The following MAP3K8 variants were observed in gnomAD, a reference collection of about 807,000 sequenced individuals.
The protein encoded by MAP3K8 is Ewing sarcoma transformant.
Under a neutral mutation model 45.8 loss-of-function variants are expected in MAP3K8, and 22 were observed. The observed-to-expected ratio is 0.48, with a 90% CI of 0.34 to 0.69. The LOEUF (loss-of-function observed/expected upper bound fraction) is 0.69, where lower values mean the gene tolerates loss of function less well. Ranked by LOEUF, MAP3K8 falls within the 30% of genes least tolerant of loss-of-function variation. MAP3K8 has a pLI of 0.01. For missense variants in MAP3K8, 419 were observed against 585.0 expected, an observed-to-expected ratio of 0.72 and a Z score of 2.93; for synonymous variants, 223 against 214.3, an observed-to-expected ratio of 1.04 and a Z score of -0.36.
At chr10:30,458,313 T>G (rs946261243) in intron 7 of MAP3K8, 77 bp downstream of exon 7, 20 of 1,037,036 alleles carry the variant, frequency 1.9e-5, no homozygotes, top group East Asian at 1.2e-4. Flanking sequence ...TGGGAGGGAC[T>G]GCTCTGCCTT....
intron 8 of MAP3K8, among the ~76,000 whole-genome samples, chr10:30,459,833 T>C (rs1205140665): frequency 6.6e-6 from 1 of 152,078 alleles, no homozygotes; most frequent in Non-Finnish European, 1.5e-5. Context: ...TTGGTTCTTC[T>C]TAACTCACTT....
At chr10:30,446,395 C>T (rs140658978) in intron 3 of MAP3K8, among the ~76,000 whole-genome samples, 1,651 of 152,044 alleles carry the variant, frequency 0.011, 26 homozygotes, top group African/African-American at 0.037. Context: ...TTTAGCCAGG[C>T]GTGGTGGTGC....
intron 6 of MAP3K8, among the ~76,000 whole-genome samples, chr10:30,457,103 A>G (rs1355388218): frequency 6.6e-6 from 1 of 151,748 alleles, no homozygotes; most frequent in Admixed American, 6.6e-5. Context: ...AAAAAGCCAA[A>G]GTGCTGAGAT....
At position 30,439,084 on chromosome 10, in the gene MAP3K8, T is replaced by A. The variant is rs1476435489; in HGVS notation, c.146T>A (p.Met49Lys). 13 of 1,614,130 alleles carry A rather than the reference T, an allele frequency of 8.1e-6. No homozygotes were observed. The East Asian group carries it at 2.0e-4, about 25-fold the overall frequency. Residue 49 changes from methionine to lysine, a missense_variant, in exon 3 of 9, where the codon ATG (methionine) becomes AAG (lysine). Physicochemically the swap from Met to Lys is moderately conservative, Grantham distance 95. This residue lies in a region of MAP3K8 where 102 missense variants were observed against 93.5 expected (regional missense o/e 1.09). Coordinates refer to ENST00000263056, the MANE Select transcript of MAP3K8 (RefSeq NM_005204.4). ...GTTTATGAACCCAGTCTAATGACCA[T>A]GTGTCAAGACAGTAATCAAAACGAT... ...PAVYEPSLMT[M>K]CQDSNQNDER... is the part of the protein sequence containing the mutation.
intron 5 of MAP3K8, among the ~76,000 whole-genome samples, chr10:30,451,106 A>G (rs2132814935): frequency 6.6e-6 from 1 of 152,212 alleles, no homozygotes; most frequent in Middle Eastern, 3.4e-3. Flanking sequence ...AAAAAAAAAA[A>G]AAAAGCAATT....
intron 2 of MAP3K8, among the ~76,000 whole-genome samples, chr10:30,438,667 C>G (rs1291868499): frequency 2.0e-5 from 3 of 152,164 alleles, no homozygotes; most frequent in Non-Finnish European, 4.4e-5. Context: ...ACCACTGACT[C>G]TGTGAGTAAG....
rs1588762552 is a variant in MAP3K8 at position 30,437,392 on chromosome 10, C to T, written c.-38C>T. 8 of 765,336 alleles carry T rather than the reference C, an allele frequency of 1.0e-5. 1 individual carries two copies. In the South Asian group the frequency reaches 2.9e-4, roughly 28 times the overall value. The allele number at this position is 765,336 out of a possible 1,614,324, so 47.4% of individuals were successfully genotyped here. On this transcript the variant is annotated 5_prime_UTR_variant, in exon 2 of 9. The change creates a new upstream start codon in the 5' untranslated region. Coordinates refer to ENST00000263056, the MANE Select transcript of MAP3K8 (RefSeq NM_005204.4). ...TGAGCTTGAACTCTGTTAATCCTCA[C>T]GACCACCTCATGAGGTAGGTGCTGT... is the stretch of plus-strand genomic sequence containing the variant.
chr10:30,459,186 C>G (rs931151098), intron 7 of MAP3K8, 69 bp from the exon 8 acceptor site: 5 of 1,570,132 alleles, frequency 3.2e-6, no homozygotes, highest in Non-Finnish European at 4.4e-6. Flanking sequence ...GGTCCTGGTA[C>G]TAGCATGCTT....
intron 6 of MAP3K8, among the ~76,000 whole-genome samples, chr10:30,456,148 C>G (rs1310145724): frequency 6.6e-6 from 1 of 152,232 alleles, no homozygotes; most frequent in African/African-American, 2.4e-5. Context: ...TAGGCATCCT[C>G]TATGGACAGT....
intron 6 of MAP3K8, among the ~76,000 whole-genome samples, chr10:30,455,579 T>C (rs1588791769): frequency 6.6e-6 from 1 of 152,240 alleles, no homozygotes; most frequent in Non-Finnish European, 1.5e-5. Context: ...TGAATGCGAA[T>C]AACAAATCAG....
chr10:30,434,579 T>C (rs1588757974), intron 1 of MAP3K8: 1 of 985,706 alleles, frequency 1.0e-6, no homozygotes, highest in South Asian at 4.7e-5. Flanking sequence ...TGCGCAAGGG[T>C]CTCACGGGGT....
intron 6 of MAP3K8, among the ~76,000 whole-genome samples, chr10:30,453,951 GGAA>G (rs1836643779): frequency 3.7e-5 from 5 of 135,482 alleles, no homozygotes; most frequent in African/African-American, 1.0e-4. Flanking sequence ...AAGGAAGGAA[GGAA>G]GGAGAAAGAA....
intron 3 of MAP3K8, among the ~76,000 whole-genome samples, chr10:30,446,826 G>A (rs1836357053): frequency 6.6e-6 from 1 of 152,054 alleles, no homozygotes; most frequent in African/African-American, 2.4e-5. Context: ...AATTTTACGA[G>A]TTTTGACAAA....
intron 3 of MAP3K8, chr10:30,439,477 T>C: frequency 8.7e-7 from 1 of 1,147,338 alleles, no homozygotes; most frequent in Non-Finnish European, 1.2e-6. Flanking sequence ...AGATTCTTGA[T>C]CATATTTTAG....
At chr10:30,449,583 A>G (rs1836465718) in intron 4 of MAP3K8, among the ~76,000 whole-genome samples, 1 of 152,218 alleles carries the variant, frequency 6.6e-6, no homozygotes, top group Admixed American at 6.5e-5. Context: ...ACAAAAAATA[A>G]AATAAATAAT....
chr10:30,449,991 G>A (rs1836480817), intron 4 of MAP3K8, among the ~76,000 whole-genome samples: 2 of 152,074 alleles, frequency 1.3e-5, no homozygotes, highest in Admixed American at 1.3e-4. Context: ...TAAAACTTTG[G>A]ATAGATTTCT....
rs759692297 is a variant in MAP3K8, at chr10:30,459,461, G to C, written c.1233G>C (p.Leu411=). ...LDSALLERKR[L]LSRKELELPE... ...CTGCCCTCTTGGAGCGCAAGAGGCT[G>C]CTGAGTAGGAAGGAGCTGGAACTTC... Residue 411 remains leucine, a synonymous_variant, in exon 8 of 9, where the codon CTG becomes CTC. Coordinates refer to ENST00000263056, the MANE Select transcript of MAP3K8 (RefSeq NM_005204.4). The C allele has an allele frequency of 1.9e-6, 3 of 1,614,158 alleles. No homozygotes were observed. The highest frequency in any genetic ancestry group is 2.5e-6 in the Non-Finnish European group (3 of 1,180,024).
intron 3 of MAP3K8, among the ~76,000 whole-genome samples, chr10:30,446,536 A>G (rs1836345712): frequency 7.4e-6 from 1 of 135,478 alleles, no homozygotes; most frequent in Admixed American, 7.4e-5. Context: ...CTCCATCTCA[A>G]AAAAAAAAAA....
chr10:30,454,219 G>T lies in MAP3K8; in HGVS notation c.873+2475G>T, dbSNP rs118106833. Among the ~76,000 whole-genome samples, 67 of 152,168 alleles carry T rather than the reference G, an allele frequency of 4.4e-4. 5 individuals carry two copies. In the East Asian group the frequency reaches 0.013, roughly 29 times the overall value. ...GTCTTTGGCTGCACCTCTATGTCAG[G>T]ATTACCAGGTCAGTCTTGGTGTTCA... On this transcript the variant is annotated intron_variant, in intron 6 of 8. Coordinates refer to ENST00000263056, the MANE Select transcript of MAP3K8 (RefSeq NM_005204.4).
Sources: gnomAD v4.1 joint callset for allele counts (sites outside exome capture counted in the v4.1 genomes callset) on GRCh38, gnomAD v4.1.1 for gene constraint, gnomAD v4.1.1 regional missense constraint, MANE v1.5 for transcripts, NCBI Gene and HGNC (gene_info 2026-07-23, HGNC 2026-07-21) for gene names.